TBCK: variants seen among roughly 807,000 people sequenced by gnomAD.
TBCK encodes TBC domain-containing protein kinase-like protein.
TBCK carries 99 observed loss-of-function variants against 113.4 expected under a neutral mutation model. The ratio of observed to expected loss-of-function variants is 0.87; its 90% CI spans 0.74 to 1.03. TBCK has a LOEUF of 1.03. Ranked by LOEUF, TBCK falls within the 50% of genes least tolerant of loss-of-function variation. The pLI is 0.00. For synonymous variants in TBCK, 369 were observed against 370.8 expected (o/e 1.00, Z 0.05); for missense variants, 1,045 against 1,061.3 (o/e 0.98, Z 0.21).
intron 19 of TBCK, among the ~76,000 whole-genome samples, chr4:106,229,506 G>A (rs548249019): frequency 2.0e-5 from 3 of 151,966 alleles, no homozygotes; most frequent in Admixed American, 2.0e-4. Context: ...GAGACTTTAA[G>A]AACAGTGAAT....
intron 3 of TBCK, among the ~76,000 whole-genome samples, chr4:106,291,716 T>C (rs909034125): frequency 6.6e-6 from 1 of 152,182 alleles, no homozygotes; most frequent in Non-Finnish European, 1.5e-5. Context: ...CCCTTTACTA[T>C]CGGTGAAGAT....
At position 106,175,095 on chromosome 4, in the gene TBCK, G is replaced by A. The variant is rs533544005; in HGVS notation, c.2060-3825C>T. ...TGAGCAGTGATCACGCCTGTATCAC[G>A]CTTGTACTCCAGCCTGGCTACAGAG... On this transcript the variant is annotated intron_variant, in intron 22 of 25. Coordinates refer to ENST00000394708, the MANE Select transcript of TBCK (RefSeq NM_001163435.3). Among the ~76,000 whole-genome samples, 30 of 148,632 alleles carry A rather than the reference G, an allele frequency of 2.0e-4. No individual in the cohort carries two copies. The South Asian group carries it at 5.7e-3, about 28-fold the overall frequency.
chr4:106,194,222 C>A (rs1753964746), intron 21 of TBCK, among the ~76,000 whole-genome samples: 1 of 152,052 alleles, frequency 6.6e-6, no homozygotes, highest in Non-Finnish European at 1.5e-5. Flanking sequence ...TTCCAGGCCA[C>A]TGCATAAATA....
intron 23 of TBCK, among the ~76,000 whole-genome samples, chr4:106,154,553 T>A (rs1247250132): frequency 6.6e-6 from 1 of 152,178 alleles, no homozygotes; most frequent in African/African-American, 2.4e-5. Flanking sequence ...TCATTTCTCA[T>A]GGCTTAACAC....
intron 25 of TBCK, among the ~76,000 whole-genome samples, chr4:106,062,974 T>C (rs1171358264): frequency 2.0e-5 from 3 of 151,924 alleles, no homozygotes; most frequent in Admixed American, 1.3e-4. Context: ...TACACAAAAC[T>C]TATGAAAAGC....
intron 23 of TBCK, among the ~76,000 whole-genome samples, chr4:106,121,788 G>A (rs1378886441): frequency 6.6e-6 from 1 of 152,084 alleles, no homozygotes; most frequent in Non-Finnish European, 1.5e-5. Flanking sequence ...GATACATGAC[G>A]AAATGAAGGC....
intron 19 of TBCK, among the ~76,000 whole-genome samples, chr4:106,214,057 A>G (rs576696928): frequency 6.2e-4 from 94 of 152,040 alleles, no homozygotes; most frequent in Admixed American, 9.2e-4. Context: ...TGGGTCCCTG[A>G]CCCCTGACCC....
intron 25 of TBCK, among the ~76,000 whole-genome samples, chr4:106,063,570 A>G (rs1433129899): frequency 6.6e-6 from 1 of 151,948 alleles, no homozygotes; most frequent in Non-Finnish European, 1.5e-5. Flanking sequence ...ACCAAAGGCT[A>G]GAGGAAGAGC....
At chr4:106,184,492 C>G (rs1036286477) in intron 22 of TBCK, among the ~76,000 whole-genome samples, 5 of 152,066 alleles carry the variant, frequency 3.3e-5, no homozygotes, top group African/African-American at 9.6e-5. Flanking sequence ...CAGATTACCA[C>G]TGGATCATCT....
intron 22 of TBCK, among the ~76,000 whole-genome samples, chr4:106,172,943 T>G (rs940184139): frequency 6.6e-6 from 1 of 152,134 alleles, no homozygotes. Context: ...TGAGTAGAAG[T>G]CTGAAGTTAC....
At chr4:106,146,747 C>T (rs890969127) in intron 23 of TBCK, among the ~76,000 whole-genome samples, 43 of 152,212 alleles carry the variant, frequency 2.8e-4, no homozygotes, top group Admixed American at 8.5e-4. Flanking sequence ...GCTGTGGCTA[C>T]GGCAGCTTCT....
At chr4:106,207,230 T>A (rs1029977186) in intron 20 of TBCK, among the ~76,000 whole-genome samples, 1 of 152,204 alleles carries the variant, frequency 6.6e-6, no homozygotes. Context: ...TATTTCTAAC[T>A]ATTCAAGCTT....
chr4:106,112,439 C>T (rs1329757272), intron 24 of TBCK, among the ~76,000 whole-genome samples: 1 of 152,146 alleles, frequency 6.6e-6, no homozygotes, highest in East Asian at 1.9e-4. Flanking sequence ...ACTGATGGCT[C>T]TGGTAAACAT....
intron 20 of TBCK, 61 bp downstream of exon 20, chr4:106,212,689 T>A (rs1314531243): frequency 8.2e-7 from 1 of 1,218,986 alleles, no homozygotes; most frequent in African/African-American, 1.5e-5. Context: ...CACTCTTCTG[T>A]GCTAATAATT....
At chr4:106,083,514 G>T (rs1159418473) in intron 25 of TBCK, among the ~76,000 whole-genome samples, 1 of 152,232 alleles carries the variant, frequency 6.6e-6, no homozygotes, top group African/African-American at 2.4e-5. Flanking sequence ...CCTCCTGGTA[G>T]TTCTGAGGAA....
chr4:106,175,600 A>T (rs1751576239), intron 22 of TBCK, among the ~76,000 whole-genome samples: 1 of 152,026 alleles, frequency 6.6e-6, no homozygotes, highest in South Asian at 2.1e-4. Flanking sequence ...GCTCTCTGCT[A>T]TGCCTATTGG....
chr4:106,077,290 C>T (rs981473904), intron 25 of TBCK, among the ~76,000 whole-genome samples: 10 of 152,142 alleles, frequency 6.6e-5, no homozygotes, highest in Admixed American at 6.5e-5. Flanking sequence ...CAGCTAAAAG[C>T]GTGATGATAA....
intron 23 of TBCK, among the ~76,000 whole-genome samples, chr4:106,134,788 A>T (rs1388663094): frequency 1.3e-5 from 2 of 152,170 alleles, no homozygotes; most frequent in Non-Finnish European, 2.9e-5. Context: ...TTTACCTTGT[A>T]CCTCTCTGAG....
At chr4:106,205,481 C>T (rs1755367788) in intron 20 of TBCK, among the ~76,000 whole-genome samples, 1 of 149,378 alleles carries the variant, frequency 6.7e-6, no homozygotes, top group African/African-American at 2.5e-5. Flanking sequence ...CAGTGGATCA[C>T]GCTTGTAATC....
Sources: allele counts gnomAD v4.1 joint callset (sites outside exome capture counted in the v4.1 genomes callset), GRCh38; gene constraint gnomAD v4.1.1; transcripts MANE v1.5; gene names NCBI Gene and HGNC (gene_info 2026-07-23, HGNC 2026-07-21).